CAPRIN2: variants seen among roughly 807,000 people sequenced by gnomAD.
The protein encoded by CAPRIN2 is caprin-2.
Under a neutral mutation model 130.4 loss-of-function variants are expected in CAPRIN2, and 66 were observed. The observed-to-expected ratio is 0.51, with a 90% CI of 0.42 to 0.62. The LOEUF (loss-of-function observed/expected upper bound fraction) is 0.62. Among genes scored for constraint, CAPRIN2 ranks in the 20% least tolerant of loss-of-function variants. The pLI is 0.00. For synonymous variants in CAPRIN2, 471 were observed against 444.1 expected (o/e 1.06, Z -0.76); for missense variants, 1,185 against 1,246.6 (o/e 0.95, Z 0.74).
Position 30,733,760 on chromosome 12 carries a change from T to C in CAPRIN2, c.810-49A>G, listed in dbSNP as rs373450813. On this transcript the variant is annotated intron_variant, in intron 4 of 16. Transcript: ENST00000298892. ...AACAAAGTGGCTTTAGAAGTACATA[T>C]ATATGGAGCAGCACAATTTATGCAA... 1.3e-5 allele frequency: 16 copies of C among 1,217,714 alleles called. No homozygotes were observed. In the East Asian group the frequency reaches 3.3e-4, roughly 25 times the overall value. 75.4% of individuals were successfully genotyped at this position (1,217,714 alleles called of 1,614,324 possible).
intron 9 of CAPRIN2, 93 bp downstream of exon 10, chr12:30,725,873 G>A (rs2060779312): frequency 8.8e-7 from 1 of 1,142,590 alleles, no homozygotes; most frequent in Non-Finnish European, 1.2e-6. Context: ...GCCAGGACTT[G>A]ACAGAATAAT....
At chr12:30,744,071 C>A (rs11051050) in intron 2 of CAPRIN2, among the ~76,000 whole-genome samples, 32,668 of 152,048 alleles carry the variant, frequency 0.21, 3,569 homozygotes, top group East Asian at 0.3. Context: ...AATGGTTTTG[C>A]CATCCATCCA....
intron 8 of CAPRIN2, among the ~76,000 whole-genome samples, chr12:30,728,162 A>T (rs916303624): frequency 6.6e-6 from 1 of 152,208 alleles, no homozygotes; most frequent in Non-Finnish European, 1.5e-5. Flanking sequence ...GATTAGACTT[A>T]AAGACAGACT....
exon 8 of CAPRIN2, chr12:30,729,212 C>T (rs750083994): frequency 1.2e-6 from 2 of 1,613,894 alleles, no homozygotes; most frequent in Non-Finnish European, 1.7e-6. Context: ...GTTCAGTAAG[C>T]ATATCCCAAC....
intron 1 of CAPRIN2, among the ~76,000 whole-genome samples, chr12:30,752,436 C>G (rs1253765662): frequency 6.6e-6 from 1 of 152,102 alleles, no homozygotes; most frequent in Non-Finnish European, 1.5e-5. Flanking sequence ...GATCATTTAT[C>G]ACAGTGATGG....
At chr12:30,723,126 A>C in intron 11 of CAPRIN2, 133 bp downstream of exon 12, 1 of 654,292 alleles carries the variant, frequency 1.5e-6, no homozygotes, top group Non-Finnish European at 2.7e-6. Context: ...TTTAATCTAC[A>C]AAACTAGATA....
chr12:30,726,977 C>G (rs550942589), intron 8 of CAPRIN2, among the ~76,000 whole-genome samples: 2 of 149,234 alleles, frequency 1.3e-5, no homozygotes, highest in East Asian at 3.9e-4. Context: ...CTCTCAGTAA[C>G]TGAAAAACCC....
rs1304493995 is a variant in CAPRIN2 at position 30,715,080 on chromosome 12, T to C, written c.2379A>G (p.Ala793=). 4 of 1,614,072 alleles carry C rather than the reference T, an allele frequency of 2.5e-6. No homozygotes were observed. In the South Asian group the frequency reaches 3.3e-5, roughly 13 times the overall value. Reference sequence around the variant, plus strand: ...TAGGTCTGGGAAACACATTCGTCTGTGCTGGGTAAAAGGCAAGGCTACCAT... The same window carrying C: ...TAGGTCTGGGAAACACATTCGTCTGCGCTGGGTAAAAGGCAAGGCTACCAT... Residue 793 remains alanine, a synonymous_variant, in exon 14 of 17, where the codon GCA becomes GCG. Coordinates refer to ENST00000298892, the Ensembl canonical transcript of CAPRIN2.
chr12:30,730,238 C>T lies in CAPRIN2; in HGVS notation c.1104+1G>A. 1.9e-6 allele frequency: 3 copies of T among 1,609,508 alleles called. No homozygotes were observed. The highest frequency in any genetic ancestry group is 2.6e-6 in the Non-Finnish European group (3 of 1,176,018). On this transcript the variant is annotated splice_donor_variant, in intron 7 of 16. Transcript: ENST00000298892. LOFTEE classifies it high-confidence loss of function. Reference sequence around the variant, plus strand: ...CAGCAAATTGTCTTTCAGTATCTTACCTCTTGTGGTTGTATCTCTGGCTGG... The same window carrying T: ...CAGCAAATTGTCTTTCAGTATCTTATCTCTTGTGGTTGTATCTCTGGCTGG...
chr12:30,745,963 A>G (rs897926105), intron 2 of CAPRIN2, among the ~76,000 whole-genome samples: 1 of 152,222 alleles, frequency 6.6e-6, no homozygotes, highest in Non-Finnish European at 1.5e-5. Flanking sequence ...GTTTTTAAAA[A>G]CTGATGCCAA....
chr12:30,726,598 G>A (rs1003853945), intron 8 of CAPRIN2, among the ~76,000 whole-genome samples: 20 of 152,012 alleles, frequency 1.3e-4, no homozygotes, highest in Non-Finnish European at 2.2e-4. Context: ...CACTCTTGGG[G>A]GCTACTGATA....
intron 2 of CAPRIN2, among the ~76,000 whole-genome samples, chr12:30,749,408 T>C (rs1447248424): frequency 1.3e-5 from 2 of 152,158 alleles, no homozygotes. Flanking sequence ...GTTTACTACG[T>C]TGAACAGACT....
exon 5 of CAPRIN2, chr12:30,733,671 C>T (rs1342025972): frequency 6.2e-7 from 1 of 1,613,552 alleles, no homozygotes; most frequent in Non-Finnish European, 8.5e-7. Flanking sequence ...TCCAAAAGGT[C>T]CCAAAAGTAC....
intron 2 of CAPRIN2, 33 bp downstream of exon 3, chr12:30,751,038 G>C (rs1251689687): frequency 4.6e-6 from 7 of 1,522,900 alleles, no homozygotes; most frequent in Non-Finnish European, 6.4e-6. Context: ...AAGAAAACCA[G>C]CAAGTCTTAC....
chr12:30,741,687 T>C (rs527640263), intron 2 of CAPRIN2, among the ~76,000 whole-genome samples: 2 of 152,218 alleles, frequency 1.3e-5, no homozygotes, highest in South Asian at 4.1e-4. Flanking sequence ...AACTCAAATC[T>C]ATACGGAAGA....
intron 2 of CAPRIN2, among the ~76,000 whole-genome samples, 156 bp from the exon 4 acceptor site, chr12:30,741,262 G>T (rs1246058471): frequency 6.6e-6 from 1 of 152,116 alleles, no homozygotes; most frequent in Admixed American, 6.5e-5. Context: ...AAAGGAGAAA[G>T]AGTATTAATA....
exon 8 of CAPRIN2, chr12:30,728,689 C>T (rs749191927): frequency 1.9e-6 from 3 of 1,613,128 alleles, no homozygotes; most frequent in East Asian, 2.2e-5. Context: ...AGCAGCTGGT[C>T]ATTTGGTATG....
chr12:30,728,597 A>C (rs1057384656), intron 8 of CAPRIN2, 51 bp downstream of exon 9: 8 of 1,430,616 alleles, frequency 5.6e-6, no homozygotes, highest in African/African-American at 1.4e-5. Flanking sequence ...TTACCACGAC[A>C]CCTTATTTAT....
At chr12:30,738,846 CAAT>C (rs1364760001) in intron 3 of CAPRIN2, among the ~76,000 whole-genome samples, 1 of 152,120 alleles carries the variant, frequency 6.6e-6, no homozygotes, top group East Asian at 1.9e-4. Context: ...ATGAAAACCA[CAAT>C]GAGATGCCAT....
Sources: allele counts gnomAD v4.1 joint callset (sites outside exome capture counted in the v4.1 genomes callset), GRCh38; gene constraint gnomAD v4.1.1; transcripts MANE v1.5; gene names NCBI Gene and HGNC (gene_info 2026-07-23, HGNC 2026-07-21).